Variants in ARID1B observed in about 807,000 individuals in gnomAD.
The protein encoded by ARID1B is AT-rich interaction domain 1B.
ARID1B carries 30 observed loss-of-function variants against 212.3 expected under a neutral mutation model. The observed-to-expected ratio is 0.14, with a 90% CI of 0.11 to 0.19. ARID1B has a LOEUF of 0.19. ARID1B is among the 10% of genes least tolerant of loss of function. The pLI, the probability that ARID1B is intolerant of heterozygous loss-of-function variation, is 1.00. For missense variants in ARID1B, 2,891 were observed against 3,204.0 expected, an observed-to-expected ratio of 0.90 and a Z score of 2.36; for synonymous variants, 1,402 against 1,301.7, an observed-to-expected ratio of 1.08 and a Z score of -1.66.
At chr6:156,913,217 C>CTTTTT (rs372967890) in intron 3 of ARID1B, among the ~76,000 whole-genome samples, 7 of 129,036 alleles carry the variant, frequency 5.4e-5, no homozygotes, top group Non-Finnish European at 6.4e-5. Flanking sequence ...TTTTCTTTTT[C>CTTTTT]TTTTTTTTTT....
chr6:157,165,845 G>A (rs1045211500), intron 8 of ARID1B, among the ~76,000 whole-genome samples: 3 of 152,002 alleles, frequency 2.0e-5, no homozygotes, highest in Non-Finnish European at 4.4e-5. Context: ...ATGAGACCCT[G>A]TCTCAAAAAA....
At chr6:156,857,562 G>A (rs140956702) in intron 2 of ARID1B, among the ~76,000 whole-genome samples, 1 of 152,326 alleles carries the variant, frequency 6.6e-6, no homozygotes, top group East Asian at 1.9e-4. Flanking sequence ...TAGGAAGGGG[G>A]CTGAAGAGCC....
chr6:156,842,841 A>G (rs1254952653), intron 2 of ARID1B, among the ~76,000 whole-genome samples: 1 of 152,230 alleles, frequency 6.6e-6, no homozygotes, highest in Non-Finnish European at 1.5e-5. Context: ...GAGGTAAGTA[A>G]TACTACTCAC....
At chr6:157,132,089 C>A (rs945681383) in intron 6 of ARID1B, among the ~76,000 whole-genome samples, 2 of 152,188 alleles carry the variant, frequency 1.3e-5, no homozygotes, top group African/African-American at 4.8e-5. Context: ...CCAAAAGGAG[C>A]AAGACTGGGG....
At chr6:157,064,806 C>G (rs992348596) in intron 4 of ARID1B, among the ~76,000 whole-genome samples, 2 of 152,198 alleles carry the variant, frequency 1.3e-5, no homozygotes, top group African/African-American at 4.8e-5. Context: ...ACAACCTTGG[C>G]CTGCCCCCTG....
intron 8 of ARID1B, chr6:157,150,932 G>A (rs112224984): frequency 0.021 from 3,655 of 172,048 alleles, 54 homozygotes; most frequent in Non-Finnish European, 0.034. Context: ...CCGTCTGGCC[G>A]CGAAAGGAAC....
intron 6 of ARID1B, chr6:157,111,108 T>A (rs1786879391): frequency 6.5e-6 from 1 of 153,476 alleles, no homozygotes; most frequent in Non-Finnish European, 1.5e-5. Flanking sequence ...ACTTCCCTTA[T>A]TCTCAGGAGC....
chr6:157,053,507 T>G (rs984734138), intron 4 of ARID1B, among the ~76,000 whole-genome samples: 1 of 152,240 alleles, frequency 6.6e-6, no homozygotes, highest in Non-Finnish European at 1.5e-5. Context: ...CTATTAACTT[T>G]TCTACATCTT....
chr6:157,174,916 T>C lies in ARID1B; in HGVS notation c.3415T>C (p.Ser1139Pro). The C allele has an allele frequency of 6.5e-7, 1 of 1,546,330 alleles. No homozygotes were observed. Among genetic ancestry groups the C allele is most frequent in the Non-Finnish European group, 8.7e-7 (1 of 1,145,486 alleles). ...CAACCTGCCAGTCCCTTCCCCAATG[T>C]CCCCCAGCTCTGCTAGCATCTCCTC... ...PGNLPVPSPM[S>P]PSSASISSFH... Residue 1139 changes from serine to proline, a missense_variant, in exon 11 of 20, where the codon TCC becomes CCC. This residue lies in a region of ARID1B where 666 missense variants were observed against 873.5 expected (regional missense o/e 0.76). Transcript: ENST00000636930.
At chr6:156,960,685 G>A (rs1794311333) in intron 4 of ARID1B, among the ~76,000 whole-genome samples, 1 of 152,100 alleles carries the variant, frequency 6.6e-6, no homozygotes, top group South Asian at 2.1e-4. Context: ...TTAAAGGGCA[G>A]TTCTAAAGTG....
rs144228572 is a variant in ARID1B at position 156,804,435 on chromosome 6, C to G, written c.1792-24792C>G. 2.7e-3 allele frequency among the ~76,000 whole-genome samples: 417 copies of G among 151,890 alleles called. 2 individuals carry two copies. The highest frequency in any genetic ancestry group is 9.5e-3 in the African/African-American group (394 of 41,416). Reference sequence around the variant, plus strand: ...GCTTTATTTACTGTATTAGTTTGTTCTTACACTGCTATCAAGATATACCTG... The same window carrying G: ...GCTTTATTTACTGTATTAGTTTGTTGTTACACTGCTATCAAGATATACCTG... On this transcript the variant is annotated intron_variant, in intron 1 of 19. Coordinates refer to ENST00000636930, the MANE Select transcript of ARID1B (RefSeq NM_001374828.1).
At chr6:157,044,180 C>T (rs759184069) in intron 4 of ARID1B, among the ~76,000 whole-genome samples, 76 of 152,106 alleles carry the variant, frequency 5.0e-4, no homozygotes, top group Non-Finnish European at 8.5e-4. Context: ...GGAATGGATT[C>T]CAGTTTGACC....
intron 4 of ARID1B, among the ~76,000 whole-genome samples, chr6:157,080,566 T>G (rs1457446248): frequency 1.3e-5 from 2 of 152,260 alleles, no homozygotes; most frequent in Admixed American, 1.3e-4. Flanking sequence ...TGTCCCATCT[T>G]TATTCCTTCT....
intron 4 of ARID1B, among the ~76,000 whole-genome samples, chr6:157,075,725 T>C (rs911870304): frequency 6.6e-6 from 1 of 152,262 alleles, no homozygotes; most frequent in Non-Finnish European, 1.5e-5. Context: ...TGGTACGATA[T>C]GAAGGACACT....
upstream of ARID1B, among the ~76,000 whole-genome samples, chr6:156,776,155 T>C (rs1778612773): frequency 6.6e-6 from 1 of 152,258 alleles, no homozygotes; most frequent in Admixed American, 6.5e-5. Context: ...AGGTTTTAAA[T>C]GCTTTCTCTC....
chr6:157,189,579 C>T, intron 13 of ARID1B, 63 bp from the exon 14 acceptor site: 2 of 1,523,114 alleles, frequency 1.3e-6, no homozygotes, highest in Non-Finnish European at 1.8e-6. Flanking sequence ...ACTAGCAAGG[C>T]AGCTGGGCTT....
At chr6:157,199,674 C>A (rs1370954116) in intron 17 of ARID1B, among the ~76,000 whole-genome samples, 4 of 151,442 alleles carry the variant, frequency 2.6e-5, no homozygotes, top group Non-Finnish European at 5.9e-5. Context: ...CAAGGAATTG[C>A]TTTTTTTCTT....
chr6:157,018,897 G>C (rs892147965), intron 4 of ARID1B, among the ~76,000 whole-genome samples: 2 of 150,772 alleles, frequency 1.3e-5, no homozygotes, highest in Admixed American at 6.6e-5. Context: ...ACCATGGGGG[G>C]TCAGGGAAGA....
At chr6:157,015,836 C>T (rs956958196) in intron 4 of ARID1B, among the ~76,000 whole-genome samples, 2 of 152,206 alleles carry the variant, frequency 1.3e-5, no homozygotes, top group African/African-American at 2.4e-5. Context: ...CAGCATTACT[C>T]CGACCCCACT....
Sources: gnomAD v4.1 joint callset for allele counts (sites outside exome capture counted in the v4.1 genomes callset) on GRCh38, gnomAD v4.1.1 for gene constraint, gnomAD v4.1.1 regional missense constraint, MANE v1.5 for transcripts, NCBI Gene and HGNC (gene_info 2026-07-23, HGNC 2026-07-21) for gene names.